The following HHAT variants were observed in gnomAD, a reference collection of about 807,000 sequenced individuals.
The protein encoded by HHAT is hedgehog acyltransferase, also known as protein-cysteine N-palmitoyltransferase HHAT.
In HHAT, 47 loss-of-function variants were observed where a neutral mutation model predicts 70.8. The ratio of observed to expected loss-of-function variants is 0.66; its 90% CI spans 0.53 to 0.85. The LOEUF is 0.85. Among genes scored for constraint, HHAT ranks in the 40% least tolerant of loss-of-function variants. HHAT has a pLI of 0.00. For missense variants in HHAT, 609 were observed against 604.8 expected, an observed-to-expected ratio of 1.01 and a Z score of -0.07; for synonymous variants, 228 against 247.6, an observed-to-expected ratio of 0.92 and a Z score of 0.74.
At chr1:210,539,757 G>T (rs2095409978) in intron 9 of HHAT, among the ~76,000 whole-genome samples, 1 of 152,176 alleles carries the variant, frequency 6.6e-6, no homozygotes, top group Non-Finnish European at 1.5e-5. Context: ...CACACACAGA[G>T]ACAGGGCAGC....
chr1:210,369,087 GAA>G (rs1319647293), intron 3 of HHAT, among the ~76,000 whole-genome samples: 4 of 148,860 alleles, frequency 2.7e-5, no homozygotes, highest in Non-Finnish European at 6.0e-5. Flanking sequence ...TCAAAAAAAA[GAA>G]AGAAAAAAAA....
chr1:210,590,822 A>G (rs541262088), intron 10 of HHAT, among the ~76,000 whole-genome samples: 1 of 152,254 alleles, frequency 6.6e-6, no homozygotes, highest in African/African-American at 2.4e-5. Flanking sequence ...ATTAACCATC[A>G]CACCCTTTCT....
At chr1:210,489,581 A>C (rs2094521115) in intron 8 of HHAT, among the ~76,000 whole-genome samples, 1 of 152,160 alleles carries the variant, frequency 6.6e-6, no homozygotes, top group Non-Finnish European at 1.5e-5. Context: ...GTTCCCCTTG[A>C]CCAGGGCCTC....
At chr1:210,473,874 A>G (rs17016269) in intron 8 of HHAT, among the ~76,000 whole-genome samples, 52,937 of 152,034 alleles carry the variant, frequency 0.35, 9,853 homozygotes, top group African/African-American at 0.48. Flanking sequence ...TTTCTAATTC[A>G]GACATCCCTT....
At chr1:210,515,600 A>G (rs1558068755) in intron 9 of HHAT, among the ~76,000 whole-genome samples, 2 of 151,868 alleles carry the variant, frequency 1.3e-5, no homozygotes, top group Non-Finnish European at 2.9e-5. Context: ...TACTAAAAAT[A>G]CAAAAAAATT....
intron 7 of HHAT, among the ~76,000 whole-genome samples, chr1:210,464,204 T>C (rs2094045783): frequency 6.6e-6 from 1 of 152,148 alleles, no homozygotes; most frequent in South Asian, 2.1e-4. Flanking sequence ...GATTTTCCCC[T>C]TCGTAATAGT....
intron 7 of HHAT, among the ~76,000 whole-genome samples, chr1:210,441,511 T>C (rs1183378167): frequency 2.0e-5 from 3 of 152,226 alleles, no homozygotes; most frequent in South Asian, 2.1e-4. Context: ...TCTACAAATA[T>C]GATAATTTTT....
intron 10 of HHAT, among the ~76,000 whole-genome samples, chr1:210,615,199 A>C (rs1667433904): frequency 6.6e-6 from 1 of 152,134 alleles, no homozygotes. Flanking sequence ...TTTTGGCTGC[A>C]TTAAATGTCT....
intron 11 of HHAT, among the ~76,000 whole-genome samples, chr1:210,673,740 T>A (rs1680574172): frequency 1.3e-5 from 2 of 151,200 alleles, no homozygotes; most frequent in Admixed American, 1.3e-4. Flanking sequence ...TACAGAAACA[T>A]GCCACCATGC....
chr1:210,662,371 G>C (rs1028744376), intron 11 of HHAT, among the ~76,000 whole-genome samples: 19 of 152,222 alleles, frequency 1.2e-4, no homozygotes, highest in African/African-American at 4.6e-4. Context: ...TGTCTGACAA[G>C]AAGCCTGATT....
At chr1:210,654,049 T>TAGTGTGACG (rs1558363259) in intron 11 of HHAT, among the ~76,000 whole-genome samples, 1 of 318 alleles carries the variant, frequency 3.1e-3, no homozygotes, top group African/African-American at 5.7e-3. Context: ...AATAGTGTGA[T>TAGTGTGACG]GGAATAGTGT....
intron 1 of HHAT, among the ~76,000 whole-genome samples, chr1:210,347,163 C>T (rs1475038741): frequency 6.6e-6 from 1 of 152,196 alleles, no homozygotes; most frequent in East Asian, 1.9e-4. Context: ...AACATCTTCC[C>T]CACTTCCCCC....
chr1:210,450,830 G>T (rs2093739527), intron 7 of HHAT, among the ~76,000 whole-genome samples: 1 of 151,984 alleles, frequency 6.6e-6, no homozygotes, highest in Non-Finnish European at 1.5e-5. Context: ...GGGATAGGGT[G>T]GTGTTAAGTT....
At chr1:210,328,882 T>A (rs2084729234), upstream of HHAT, 1 of 571,800 alleles carries the variant, frequency 1.7e-6, no homozygotes, top group Non-Finnish European at 2.6e-6. Flanking sequence ...GGTTCCCGAG[T>A]CCGGGCGCGG....
chr1:210,449,832 C>T (rs3765839), intron 7 of HHAT, among the ~76,000 whole-genome samples: 32,106 of 152,082 alleles, frequency 0.21, 3,612 homozygotes, highest in South Asian at 0.27. Flanking sequence ...CATTAGGTCT[C>T]CATAAAGAAA....
chr1:210,570,570 CAG>C (rs558267293), intron 9 of HHAT, among the ~76,000 whole-genome samples: 220 of 152,308 alleles, frequency 1.4e-3, no homozygotes, highest in African/African-American at 5.2e-3. Context: ...CAGCGAGCCA[CAG>C]ACCCACCACC....
intron 6 of HHAT, among the ~76,000 whole-genome samples, chr1:210,415,506 T>A (rs2092693997): frequency 6.6e-6 from 1 of 152,208 alleles, no homozygotes; most frequent in African/African-American, 2.4e-5. Flanking sequence ...CTTGGAGAAC[T>A]CAAATTCTGC....
At chr1:210,598,653 C>A (rs559074052) in intron 10 of HHAT, among the ~76,000 whole-genome samples, 142 of 152,300 alleles carry the variant, frequency 9.3e-4, no homozygotes, top group African/African-American at 3.2e-3. Flanking sequence ...TGATCTTTCT[C>A]CCCCAAGTGT....
chr1:210,514,581 T>G (rs1006324656), intron 9 of HHAT, among the ~76,000 whole-genome samples: 3 of 152,196 alleles, frequency 2.0e-5, no homozygotes, highest in Non-Finnish European at 2.9e-5. Flanking sequence ...TTTTTTCTAG[T>G]AAATTTATTG....
Sources: allele counts gnomAD v4.1 joint callset (sites outside exome capture counted in the v4.1 genomes callset), GRCh38; gene constraint gnomAD v4.1.1; transcripts MANE v1.5; gene names NCBI Gene and HGNC (gene_info 2026-07-23, HGNC 2026-07-21).